TRPC7: variants seen among roughly 807,000 people sequenced by gnomAD.
TRPC7 encodes the protein short transient receptor potential channel 7.
In TRPC7, 42 loss-of-function variants were observed where a neutral mutation model predicts 90.1. That is an observed-to-expected ratio of 0.47 (90% confidence interval 0.36 to 0.60). The LOEUF is 0.60. Ranked by LOEUF, TRPC7 falls within the 20% of genes least tolerant of loss-of-function variation. TRPC7 has a pLI of 0.00. For synonymous variants in TRPC7, 451 were observed against 436.3 expected (o/e 1.03, Z -0.42); for missense variants, 955 against 1,112.3 (o/e 0.86, Z 2.01).
chr5:136,337,583 T>C (rs754456873), intron 2 of TRPC7, among the ~76,000 whole-genome samples: 6 of 151,816 alleles, frequency 4.0e-5, no homozygotes, highest in Admixed American at 6.6e-5. Flanking sequence ...GGAGAATCAC[T>C]TGAACCTGGG....
At chr5:136,240,366 TG>T (rs1756121912) in intron 7 of TRPC7, among the ~76,000 whole-genome samples, 1 of 152,192 alleles carries the variant, frequency 6.6e-6, no homozygotes, top group Non-Finnish European at 1.5e-5. Flanking sequence ...CACTGATCCA[TG>T]AGTTTCCTAG....
chr5:136,249,290 A>G (rs1192078281), intron 6 of TRPC7, among the ~76,000 whole-genome samples: 1 of 152,224 alleles, frequency 6.6e-6, no homozygotes, highest in Non-Finnish European at 1.5e-5. Flanking sequence ...AGAGAGCAGT[A>G]AGAAACCTTT....
rs748248116 is a variant in TRPC7 at position 136,356,665 on chromosome 5, G to A, written c.723C>T (p.Thr241=). ...CTAACTCGTTGCTGAGCTCCAGGGC[G>A]GTGAGGACAGGGTCTTCGCTGGACA... ...LSLSSEDPVL[T]ALELSNELAR... Residue 241 remains threonine (T), a synonymous_variant, in exon 2 of 12, where the codon ACC becomes ACT. Coordinates refer to ENST00000513104, the MANE Select transcript of TRPC7 (RefSeq NM_020389.3). 1.3e-6 allele frequency: 2 copies of A among 1,583,272 alleles called. No homozygotes were observed. Among genetic ancestry groups the A allele is most frequent in the East Asian group, 2.2e-5 (1 of 44,462 alleles).
Position 136,354,275 on chromosome 5 carries a change from A to G in TRPC7, c.780+2333T>C, listed in dbSNP as rs534269560. Among the ~76,000 whole-genome samples, 39 of 152,312 alleles carry G rather than the reference A, an allele frequency of 2.6e-4. No individual in the cohort carries two copies. The East Asian group carries it at 6.7e-3, about 26-fold the overall frequency. On this transcript the variant is annotated intron_variant, in intron 2 of 11. Transcript: ENST00000513104. ...TACTGTACAGAAAAAAACAAAAAAG[A>G]GGCTATATTCCTTAAGACTTTCTTT...
At chr5:136,243,847 A>G (rs924277299) in intron 7 of TRPC7, among the ~76,000 whole-genome samples, 1 of 152,050 alleles carries the variant, frequency 6.6e-6, no homozygotes, top group Non-Finnish European at 1.5e-5. Context: ...TCATTTCAGG[A>G]ACTGCCACGG....
At chr5:136,238,386 A>AG (rs1756058396) in intron 7 of TRPC7, among the ~76,000 whole-genome samples, 1 of 151,694 alleles carries the variant, frequency 6.6e-6, no homozygotes, top group African/African-American at 2.4e-5. Flanking sequence ...AGCTGGGGGG[A>AG]GGGGTCAGTG....
chr5:136,342,360 G>T (rs181255030), intron 2 of TRPC7, among the ~76,000 whole-genome samples: 1 of 152,348 alleles, frequency 6.6e-6, no homozygotes, highest in South Asian at 2.1e-4. Context: ...GGTGCAGACT[G>T]CTGGGTGTGT....
chr5:136,213,893 G>C (rs187117796), intron 11 of TRPC7, among the ~76,000 whole-genome samples: 1 of 152,324 alleles, frequency 6.6e-6, no homozygotes, highest in East Asian at 1.9e-4. Context: ...ATTGTGTCTA[G>C]CACTTGTTTC....
At chr5:136,228,006 T>C (rs1328329510) in intron 8 of TRPC7, among the ~76,000 whole-genome samples, 1 of 152,170 alleles carries the variant, frequency 6.6e-6, no homozygotes, top group African/African-American at 2.4e-5. Flanking sequence ...GTACTTGGCA[T>C]GTGCTAGGGA....
At chr5:136,236,653 G>A (rs141173295) in intron 7 of TRPC7, among the ~76,000 whole-genome samples, 181 of 152,302 alleles carry the variant, frequency 1.2e-3, no homozygotes, top group African/African-American at 4.1e-3. Context: ...CAGCAGGGAC[G>A]AGGTAATCAG....
intron 3 of TRPC7, among the ~76,000 whole-genome samples, chr5:136,281,133 A>C (rs1757537423): frequency 6.6e-6 from 1 of 152,186 alleles, no homozygotes; most frequent in Non-Finnish European, 1.5e-5. Context: ...TCAACATTCG[A>C]GATGCTGCTA....
chr5:136,286,404 C>A (rs937411490), intron 3 of TRPC7, among the ~76,000 whole-genome samples: 1 of 152,194 alleles, frequency 6.6e-6, no homozygotes, highest in Non-Finnish European at 1.5e-5. Context: ...TCAGTATCTC[C>A]TGAGACAGTT....
At chr5:136,248,033 C>A (rs1316119422) in intron 6 of TRPC7, among the ~76,000 whole-genome samples, 2 of 152,160 alleles carry the variant, frequency 1.3e-5, no homozygotes, top group Non-Finnish European at 2.9e-5. Flanking sequence ...CCACCACGGG[C>A]TGGGCAGGTT....
chr5:136,351,994 T>A (rs1760206434), intron 2 of TRPC7, among the ~76,000 whole-genome samples: 1 of 152,186 alleles, frequency 6.6e-6, no homozygotes, highest in South Asian at 2.1e-4. Flanking sequence ...AAAGGATAAA[T>A]TGCCTGTGAC....
At chr5:136,297,211 G>T (rs781217232) in intron 3 of TRPC7, among the ~76,000 whole-genome samples, 1 of 152,132 alleles carries the variant, frequency 6.6e-6, no homozygotes. Context: ...GTTTGATAAA[G>T]GGTTGGATTC....
intron 7 of TRPC7, among the ~76,000 whole-genome samples, chr5:136,235,517 T>C (rs1204408387): frequency 6.6e-6 from 1 of 152,160 alleles, no homozygotes; most frequent in Non-Finnish European, 1.5e-5. Context: ...AGGGCTCAGG[T>C]ATTGGAGCTG....
chr5:136,352,017 G>A (rs772646922), intron 2 of TRPC7, among the ~76,000 whole-genome samples: 9 of 152,050 alleles, frequency 5.9e-5, no homozygotes, highest in East Asian at 3.9e-4. Context: ...AAACACCATC[G>A]ACAGCCTCCG....
chr5:136,347,309 C>T lies in TRPC7; in HGVS notation c.780+9299G>A, dbSNP rs575487309. 9.9e-5 allele frequency among the ~76,000 whole-genome samples: 15 copies of T among 152,276 alleles called. No homozygotes were observed. In the East Asian group the frequency reaches 2.9e-3, roughly 29 times the overall value. On this transcript the variant is annotated intron_variant, in intron 2 of 11. Transcript: ENST00000513104. ...ATTTGCCAAATGAGATTTTGGGTGG[C>T]CAGAAAAGCCTTGATTGCACCCAGT...
intron 2 of TRPC7, among the ~76,000 whole-genome samples, chr5:136,347,055 G>A (rs1195002070): frequency 2.0e-5 from 3 of 152,112 alleles, no homozygotes; most frequent in African/African-American, 4.8e-5. Context: ...GGAGTGGTGC[G>A]TTGACAAGTC....
Sources: allele counts gnomAD v4.1 joint callset (sites outside exome capture counted in the v4.1 genomes callset), GRCh38; gene constraint gnomAD v4.1.1; transcripts MANE v1.5; gene names NCBI Gene and HGNC (gene_info 2026-07-23, HGNC 2026-07-21).